CDH18: variants seen among roughly 807,000 people sequenced by gnomAD.
CDH18 encodes the protein cadherin-18.
A neutral mutation model predicts 67.9 loss-of-function variants in CDH18; 31 were observed. That is an observed-to-expected ratio of 0.46 (90% CI 0.34 to 0.62). The LOEUF (loss-of-function observed/expected upper bound fraction) is 0.62. CDH18 is among the 20% of genes least tolerant of loss of function. The probability of loss-of-function intolerance (pLI) is 0.01; values close to 1 mark genes in which losing one functional copy is unlikely to be tolerated. For missense variants in CDH18, 890 were observed against 975.5 expected (o/e 0.91, Z 1.17); for synonymous variants, 362 against 347.2 (o/e 1.04, Z -0.48).
chr5:19,716,824 T>G (rs1765397954), intron 5 of CDH18, among the ~76,000 whole-genome samples: 1 of 152,132 alleles, frequency 6.6e-6, no homozygotes. Context: ...AAATGTAGAA[T>G]GTATCAATGT....
intron 1 of CDH18, among the ~76,000 whole-genome samples, chr5:20,356,745 C>CTATATATA: frequency 7.3e-6 from 1 of 136,642 alleles, no homozygotes; most frequent in African/African-American, 3.1e-5. Flanking sequence ...CTCTCTCTCT[C>CTATATATA]TCTCTCTCTA....
At chr5:19,706,588 TTGTC>T (rs1763998757) in intron 5 of CDH18, among the ~76,000 whole-genome samples, 1 of 152,288 alleles carries the variant, frequency 6.6e-6, no homozygotes, top group African/African-American at 2.4e-5. Context: ...TTTTCTCACT[TTGTC>T]TGGGCTACAT....
chr5:20,142,499 T>C (rs1458809979), intron 2 of CDH18, among the ~76,000 whole-genome samples: 1 of 151,418 alleles, frequency 6.6e-6, no homozygotes, highest in Non-Finnish European at 1.5e-5. Flanking sequence ...AGAATCACTT[T>C]AACCCAGGAG....
intron 2 of CDH18, among the ~76,000 whole-genome samples, chr5:19,977,864 T>G (rs899273428): frequency 1.3e-5 from 2 of 152,270 alleles, no homozygotes; most frequent in East Asian, 1.9e-4. Context: ...ATTAGTTTGA[T>G]CAGTAAACAC....
intron 5 of CDH18, among the ~76,000 whole-genome samples, chr5:19,664,417 A>G (rs1296743986): frequency 6.6e-6 from 1 of 151,968 alleles, no homozygotes; most frequent in African/African-American, 2.4e-5. Context: ...AAGCTGATGA[A>G]ATATGTATAT....
intron 3 of CDH18, among the ~76,000 whole-genome samples, chr5:19,791,695 G>C (rs1182653023): frequency 1.3e-5 from 2 of 152,084 alleles, no homozygotes; most frequent in Non-Finnish European, 2.9e-5. Flanking sequence ...CTGGCTTTCA[G>C]TTACAGAATT....
intron 3 of CDH18, among the ~76,000 whole-genome samples, chr5:19,773,408 G>C (rs911577593): frequency 2.0e-4 from 30 of 152,130 alleles, no homozygotes; most frequent in African/African-American, 6.5e-4. Context: ...TTGAACTTTA[G>C]AAAGGTAAAA....
At chr5:20,029,059 C>A (rs1739160935) in intron 2 of CDH18, among the ~76,000 whole-genome samples, 1 of 151,556 alleles carries the variant, frequency 6.6e-6, no homozygotes, top group Non-Finnish European at 1.5e-5. Context: ...AAGCAACAGA[C>A]ATTTTTTGTA....
At chr5:20,401,218 C>A (rs1338000387) in intron 1 of CDH18, among the ~76,000 whole-genome samples, 1 of 152,072 alleles carries the variant, frequency 6.6e-6, no homozygotes, top group Non-Finnish European at 1.5e-5. Context: ...TGTGGAATTT[C>A]TAATTTCGAA....
At chr5:20,387,686 A>C (rs1012437930) in intron 1 of CDH18, among the ~76,000 whole-genome samples, 1 of 152,132 alleles carries the variant, frequency 6.6e-6, no homozygotes, top group African/African-American at 2.4e-5. Flanking sequence ...CCCATTCAGT[A>C]TGATATTGGC....
At chr5:20,222,085 A>G (rs1160380863) in intron 2 of CDH18, among the ~76,000 whole-genome samples, 1 of 152,118 alleles carries the variant, frequency 6.6e-6, no homozygotes, top group Non-Finnish European at 1.5e-5. Context: ...TTGAGTCTAC[A>G]CTTATTATAA....
chr5:20,458,661 T>C (rs1005854823), intron 1 of CDH18, among the ~76,000 whole-genome samples: 1 of 152,138 alleles, frequency 6.6e-6, no homozygotes, highest in African/African-American at 2.4e-5. Context: ...ATGTATTCTA[T>C]TGCTATTTTA....
At chr5:19,788,595 C>G (rs1391413778) in intron 3 of CDH18, among the ~76,000 whole-genome samples, 5 of 152,090 alleles carry the variant, frequency 3.3e-5, no homozygotes, top group African/African-American at 1.2e-4. Context: ...GTCCTATTGG[C>G]TTTCATAGGG....
At chr5:20,172,519 T>C (rs968122850) in intron 2 of CDH18, among the ~76,000 whole-genome samples, 2 of 151,844 alleles carry the variant, frequency 1.3e-5, no homozygotes, top group Non-Finnish European at 2.9e-5. Flanking sequence ...GAATTTAAAG[T>C]GTGACTTATG....
chr5:20,575,634 A>G (rs1194279756), exon 1 of CDH18: 1 of 152,112 alleles, frequency 6.6e-6, no homozygotes, highest in African/African-American at 2.4e-5. Context: ...CCTCTTGTAA[A>G]AAGAAAGGCA....
chr5:20,002,409 G>A (rs1164294098), intron 2 of CDH18, among the ~76,000 whole-genome samples: 2 of 152,146 alleles, frequency 1.3e-5, no homozygotes, highest in Non-Finnish European at 2.9e-5. Flanking sequence ...CCTTTAATAA[G>A]CACTGGCTCT....
Position 19,520,789 on chromosome 5 carries a change from C to T in CDH18, c.1391-11G>A, listed in dbSNP as rs943748930. 1.6e-5 allele frequency: 25 copies of T among 1,612,466 alleles called. No homozygotes were observed. Among genetic ancestry groups the T allele is most frequent in the Non-Finnish European group, 2.0e-5 (24 of 1,179,202 alleles). Reference sequence around the variant, plus strand: ...GCAAATCAGGATTATCTGCAAAATACACAGGAATGTATTTAGTATTTCCAT... The same window carrying T: ...GCAAATCAGGATTATCTGCAAAATATACAGGAATGTATTTAGTATTTCCAT... On this transcript the variant is annotated splice_polypyrimidine_tract_variant and intron_variant, in intron 9 of 12. Coordinates refer to ENST00000382275, the MANE Select transcript of CDH18 (RefSeq NM_004934.5).
At chr5:19,559,397 C>T (rs1364016287) in intron 8 of CDH18, among the ~76,000 whole-genome samples, 4 of 151,826 alleles carry the variant, frequency 2.6e-5, no homozygotes, top group Non-Finnish European at 5.9e-5. Context: ...TGTGGTACAC[C>T]ACATAAACAG....
intron 2 of CDH18, among the ~76,000 whole-genome samples, chr5:20,057,364 A>G (rs993310076): frequency 4.6e-5 from 7 of 152,192 alleles, no homozygotes; most frequent in African/African-American, 1.7e-4. Flanking sequence ...TCCATCGTGA[A>G]TAATCTATGT....
Sources: allele counts gnomAD v4.1 joint callset (sites outside exome capture counted in the v4.1 genomes callset), GRCh38; gene constraint gnomAD v4.1.1; transcripts MANE v1.5; gene names NCBI Gene and HGNC (gene_info 2026-07-23, HGNC 2026-07-21).